Variants in HK1 observed in about 807,000 individuals in gnomAD.
HK1 encodes the protein hexokinase 1.
Under a neutral mutation model 91.6 loss-of-function variants are expected in HK1, and 28 were observed. That is an observed-to-expected ratio of 0.31 (90% CI 0.23 to 0.42). The LOEUF is 0.42. Among genes scored for constraint, HK1 ranks in the 10% least tolerant of loss-of-function variants. HK1 has a pLI of 1.00. For synonymous variants in HK1, 430 were observed against 468.1 expected (o/e 0.92, Z 1.05); for missense variants, 770 against 1,219.8 (o/e 0.63, Z 5.49).
intron 2 of HK1, among the ~76,000 whole-genome samples, chr10:69,353,403 A>G (rs1307484637): frequency 6.6e-6 from 1 of 152,112 alleles, no homozygotes; most frequent in African/African-American, 2.4e-5. Flanking sequence ...AGCTTGGGCA[A>G]CATGGTAAAA....
intron 2 of HK1, among the ~76,000 whole-genome samples, chr10:69,353,446 A>T (rs1037831652): frequency 6.6e-6 from 1 of 152,010 alleles, no homozygotes; most frequent in Non-Finnish European, 1.5e-5. Flanking sequence ...AAAAAAAGTT[A>T]GCCAGATGTG....
chr10:69,328,496 G>A (rs553319759), intron 1 of HK1, among the ~76,000 whole-genome samples: 2 of 152,310 alleles, frequency 1.3e-5, no homozygotes, highest in African/African-American at 2.4e-5. Context: ...TAAAGGCATC[G>A]TGAGCCTTTG....
chr10:69,352,942 A>G (rs1848952093), intron 2 of HK1, among the ~76,000 whole-genome samples: 2 of 152,214 alleles, frequency 1.3e-5, no homozygotes, highest in Non-Finnish European at 2.9e-5. Context: ...ATAATAAGAA[A>G]TATACATGTT....
At chr10:69,310,882 C>G (rs1333659828), upstream of HK1, among the ~76,000 whole-genome samples, 3 of 152,080 alleles carry the variant, frequency 2.0e-5, no homozygotes, top group Admixed American at 2.0e-4. Context: ...AATGGTGAAA[C>G]CCTGTCTCTA....
chr10:69,346,609 C>G (rs542459244), intron 2 of HK1, among the ~76,000 whole-genome samples: 9 of 151,540 alleles, frequency 5.9e-5, no homozygotes, highest in Non-Finnish European at 1.2e-4. Context: ...TAGGCTCAGG[C>G]GATCCTCCCA....
intron 1 of HK1, among the ~76,000 whole-genome samples, chr10:69,275,387 T>TA (rs199786869): frequency 0.04 from 5,862 of 146,774 alleles, 152 homozygotes; most frequent in East Asian, 0.12. Context: ...AAAATAAAAT[T>TA]TAAAAAAAAA....
intron 3 of HK1, among the ~76,000 whole-genome samples, chr10:69,360,822 C>A (rs1279199985): frequency 6.6e-6 from 1 of 152,210 alleles, no homozygotes; most frequent in Non-Finnish European, 1.5e-5. Context: ...GGTCCCTAAG[C>A]CCGTCGTGGG....
chr10:69,282,750 G>C (rs549635049), intron 2 of HK1: 1 of 152,274 alleles, frequency 6.6e-6, no homozygotes, highest in Non-Finnish European at 1.5e-5. Flanking sequence ...CCTGGGCTGT[G>C]ACGGCCTCAC....
chr10:69,298,558 T>C lies in HK1; in HGVS notation c.-66-2211T>C, dbSNP rs555008602. ...AGGAGAATTGCTTGAGTCCAAGAGT[T>C]TGAGGCTGCAGTGAGCTATGATTTG... On this transcript the variant is annotated intron_variant, in intron 4 of 21. Transcript: ENST00000360289. Among the ~76,000 whole-genome samples, 329 of 151,930 alleles carry C rather than the reference T, an allele frequency of 2.2e-3. 2 individuals carry two copies. Among genetic ancestry groups the C allele is most frequent in the South Asian group, 8.9e-3 (43 of 4,828 alleles).
At position 69,290,249 on chromosome 10, in the gene HK1, T is replaced by A. The variant is rs370145569; in HGVS notation, c.-115+1479T>A. Among the ~76,000 whole-genome samples, 130 of 151,390 alleles carry A rather than the reference T, an allele frequency of 8.6e-4. 3 individuals carry two copies. The South Asian group carries it at 0.027, about 31-fold the overall frequency. On this transcript the variant is annotated intron_variant, in intron 3 of 21. Coordinates refer to the HK1 transcript ENST00000360289. ...CCTGGCCTGTTTGCTTTATGAAGAC[T>A]TTCCCCTGGTCAGCCCTTGGGTGGC...
Position 69,338,572 on chromosome 10 carries a change from T to A in HK1, c.64-5255T>A, listed in dbSNP as rs1282991769. 12 of 1,289,292 alleles carry A rather than the reference T, an allele frequency of 9.3e-6. No individual in the cohort carries two copies. The East Asian group carries it at 6.7e-4, about 72-fold the overall frequency. The allele number at this position is 1,289,292 out of a possible 1,614,324, so 79.9% of individuals were successfully genotyped here. A position where few individuals can be genotyped will look rare whatever the true frequency, so the allele number is the denominator to read the frequency against. On this transcript the variant is annotated intron_variant, in intron 1 of 17. Transcript: ENST00000359426. Reference sequence around the variant, plus strand: ...TGCGGTGTCCTCCCCAACTCCCAAATGGAGTGTGGGGAGGGATTCTTCGGG... The same window carrying A: ...TGCGGTGTCCTCCCCAACTCCCAAAAGGAGTGTGGGGAGGGATTCTTCGGG...
chr10:69,331,466 G>A (rs1463699747), intron 1 of HK1, among the ~76,000 whole-genome samples: 2 of 152,252 alleles, frequency 1.3e-5, no homozygotes, highest in African/African-American at 4.8e-5. Context: ...ATAGGTGGCT[G>A]TTGAGCTCTT....
chr10:69,360,003 T>G lies in HK1; in HGVS notation c.333T>G (p.Val111=). ...KNQNVHMESE[V]YDTPENIVHG... ...AGAATGTTCACATGGAGTCCGAGGT[T>G]TATGACACCCCAGAGAACATCGTGC... Residue 111 remains valine, a synonymous_variant, in exon 3 of 18, where the codon GTT becomes GTG. Transcript: ENST00000359426. The G allele has an allele frequency of 6.2e-7, 1 of 1,614,158 alleles. No individual in the cohort carries two copies. The highest frequency in any genetic ancestry group is 8.5e-7 in the Non-Finnish European group (1 of 1,180,004).
intron 14 of HK1, among the ~76,000 whole-genome samples, chr10:69,390,899 T>C (rs990273782): frequency 6.6e-6 from 1 of 152,212 alleles, no homozygotes; most frequent in South Asian, 2.1e-4. Context: ...GGTTTTTAAA[T>C]GTCCAGTCTA....
intron 13 of HK1, chr10:69,386,698 C>T: frequency 2.8e-6 from 1 of 357,040 alleles, no homozygotes; most frequent in Non-Finnish European, 5.5e-6. Context: ...AGAAGAATCG[C>T]TTCAACCCAG....
intron 7 of HK1, among the ~76,000 whole-genome samples, chr10:69,374,377 G>A (rs928009679): frequency 1.1e-4 from 16 of 152,190 alleles, no homozygotes; most frequent in African/African-American, 3.6e-4. Flanking sequence ...ACGCTGCCAC[G>A]CCGCCTCTCA....
intron 4 of HK1, among the ~76,000 whole-genome samples, chr10:69,299,015 T>C (rs11813648): frequency 0.022 from 3,252 of 150,788 alleles, 205 homozygotes; most frequent in African/African-American, 0.074. Flanking sequence ...TCTCAGCTCA[T>C]TGCAACCTCT....
chr10:69,319,308 G>A, intron 1 of HK1: 3 of 528,346 alleles, frequency 5.7e-6, no homozygotes, highest in East Asian at 6.9e-5. Flanking sequence ...GCTGTGCGGG[G>A]AGGTGGCCGG....
At chr10:69,381,526 A>G (rs755289760) in intron 9 of HK1, among the ~76,000 whole-genome samples, 23 of 150,020 alleles carry the variant, frequency 1.5e-4, no homozygotes, top group Non-Finnish European at 2.5e-4. Flanking sequence ...TACACATAAC[A>G]TGAAGTATAT....
Sources: allele counts gnomAD v4.1 joint callset (sites outside exome capture counted in the v4.1 genomes callset), GRCh38; gene constraint gnomAD v4.1.1; transcripts MANE v1.5; gene names NCBI Gene and HGNC (gene_info 2026-07-23, HGNC 2026-07-21).